Variants in NIPAL3 observed in about 807,000 individuals in gnomAD.
NIPAL3 encodes NIPA-like protein 3.
NIPAL3 carries 41 observed loss-of-function variants against 47.2 expected under a neutral mutation model. The ratio of observed to expected loss-of-function variants is 0.87; its 90% CI spans 0.68 to 1.13. The LOEUF (loss-of-function observed/expected upper bound fraction) is 1.13, where lower values mean the gene tolerates loss of function less well. NIPAL3 is among the 50% of genes most tolerant of loss of function. The pLI, the probability that NIPAL3 is intolerant of heterozygous loss-of-function variation, is 0.00. For synonymous variants in NIPAL3, 194 were observed against 209.6 expected (o/e 0.93, Z 0.64); for missense variants, 449 against 530.1 (o/e 0.85, Z 1.50).
At position 24,442,241 on chromosome 1, in the gene NIPAL3, GCCCCACCCTC is replaced by G; in HGVS notation, c.334+19_334+28del. On this transcript the variant is annotated intron_variant, in intron 4 of 11. Coordinates refer to ENST00000374399, the MANE Select transcript of NIPAL3 (RefSeq NM_020448.5). The stretch of plus-strand genomic sequence containing the variant: ...TTCTGTGATAGGTAAGACCAGGGCT[GCCCCACCCTC>G]CCCTGGGGTGCTCCCAGCTGCGTGA... The G allele has an allele frequency of 6.2e-7, 1 of 1,611,556 alleles. No individual in the cohort carries two copies. The highest frequency in any genetic ancestry group is 8.5e-7 in the Non-Finnish European group (1 of 1,178,904).
At chr1:24,464,706 A>C (rs1169292769) in intron 11 of NIPAL3, 1 of 152,232 alleles carries the variant, frequency 6.6e-6, no homozygotes, top group Non-Finnish European at 1.5e-5. Flanking sequence ...AGGAATTCGG[A>C]TTAGAAAAGT....
At position 24,453,429 on chromosome 1, in the gene NIPAL3, T is replaced by A; in HGVS notation, c.562T>A (p.Cys188Ser). The A allele has an allele frequency of 6.2e-7, 1 of 1,613,692 alleles. No individual in the cohort carries two copies. The highest frequency in any genetic ancestry group is 8.5e-7 in the Non-Finnish European group (1 of 1,179,836). Residue 188 changes from cysteine to serine, a missense_variant, in exon 7 of 12, where the codon TGC becomes AGC. Cys to Ser is a moderately radical substitution (Grantham distance 112, BLOSUM62 -1). Transcript: ENST00000374399. ...ACAGCTGGTGGAGATCATTCTGTTC[T>A]GCTTGCTGCTCTACTTCTACAAGGA... ...LYMLVEIILF[C>S]LLLYFYKEKN...
intron 4 of NIPAL3, among the ~76,000 whole-genome samples, chr1:24,444,590 A>G (rs1331370926): frequency 6.6e-6 from 1 of 152,216 alleles, no homozygotes; most frequent in Non-Finnish European, 1.5e-5. Flanking sequence ...ATCCAAGGAC[A>G]CACAGCCAGA....
intron 4 of NIPAL3, 38 bp from the exon 5 acceptor site, chr1:24,445,147 C>G (rs184039335): frequency 4.7e-6 from 7 of 1,477,230 alleles, no homozygotes; most frequent in Admixed American, 3.4e-5. Context: ...TAGCTGACAG[C>G]AGCCTCAATT....
intron 11 of NIPAL3, among the ~76,000 whole-genome samples, chr1:24,466,734 G>A (rs375418131): frequency 2.0e-5 from 3 of 152,126 alleles, no homozygotes; most frequent in East Asian, 3.9e-4. Context: ...TTGGTCTCTG[G>A]CTGGAGGGCA....
Position 24,419,564 on chromosome 1 carries a change from G to A in NIPAL3, c.17G>A (p.Ser6Asn), listed in dbSNP as rs1415786709. Residue 6 changes from serine (S) to asparagine (N), a missense_variant, in exon 2 of 12, where the codon AGC becomes AAC. Physicochemically the swap from Ser to Asn is conservative, Grantham distance 46. Coordinates refer to ENST00000374399, the MANE Select transcript of NIPAL3 (RefSeq NM_020448.5). ...TAGACCACCATGGACGGATCCCACA[G>A]CGCAGCCCTGAAGCTGCAGCAGCTG... MDGSH[S>N]AALKLQQLPP... is the part of the protein sequence containing the mutation. 6 of 1,613,830 alleles carry A rather than the reference G, an allele frequency of 3.7e-6. No individual in the cohort carries two copies. In the East Asian group the frequency reaches 1.3e-4, roughly 36 times the overall value.
chr1:24,428,243 C>T (rs1644692091), intron 2 of NIPAL3, among the ~76,000 whole-genome samples: 1 of 88,178 alleles, frequency 1.1e-5, no homozygotes, highest in Non-Finnish European at 2.4e-5. Flanking sequence ...AGAGCGAGAC[C>T]CTGTCTCAAA....
At position 24,471,283 on chromosome 1, in the gene NIPAL3, A is replaced by G. The variant is rs1227268415; in HGVS notation, c.*2098A>G. On this transcript the variant is annotated 3_prime_UTR_variant, in exon 12 of 12. Transcript: ENST00000374399. The stretch of plus-strand genomic sequence containing the variant: ...TGGTGGGAGATGAGTCTCAAAGCTA[A>G]GTAGTGGAAGCTGGGCACAGTGGCT... 3.3e-5 allele frequency: 5 copies of G among 152,532 alleles called. No individual in the cohort carries two copies. The highest frequency in any genetic ancestry group is 1.5e-5 in the Non-Finnish European group (1 of 68,304). The allele number at this position is 152,532 out of a possible 1,614,324, so 9.4% of individuals were successfully genotyped here.
chr1:24,419,266 T>A (rs1644202410), intron 1 of NIPAL3, 25 bp from the exon 2 acceptor site: 1 of 1,097,770 alleles, frequency 9.1e-7, no homozygotes, highest in South Asian at 4.2e-5. Context: ...CCATGCATTT[T>A]TAATGTTCCT....
intron 8 of NIPAL3, among the ~76,000 whole-genome samples, chr1:24,458,282 A>C (rs1470224335): frequency 2.6e-5 from 4 of 152,184 alleles, no homozygotes; most frequent in African/African-American, 9.7e-5. Flanking sequence ...AAGCGAAGTA[A>C]AAAAATAAAA....
intron 9 of NIPAL3, 95 bp from the exon 10 acceptor site, chr1:24,460,386 C>G (rs1377919450): frequency 1.0e-6 from 1 of 993,050 alleles, no homozygotes; most frequent in Non-Finnish European, 1.5e-6. Flanking sequence ...TTTTAGTTTC[C>G]TAAATGGAAG....
At position 24,449,645 on chromosome 1, in the gene NIPAL3, C is replaced by A; in HGVS notation, c.540+19C>A. The A allele has an allele frequency of 3.7e-6, 6 of 1,607,898 alleles. No homozygotes were observed. The South Asian group carries it at 6.6e-5, about 18-fold the overall frequency. On this transcript the variant is annotated intron_variant, in intron 6 of 11. Coordinates refer to ENST00000374399, the MANE Select transcript of NIPAL3 (RefSeq NM_020448.5). This position sits in a 1 kb window ranked among gnomAD's most constrained non-coding sequence, Gnocchi z 4.5. ...GTACATGGTAAGAGAAGCCTCCAGT[C>A]GTTCCCCCTGAGATGGCAGGAGGGA... is the stretch of plus-strand genomic sequence containing the variant.
At chr1:24,424,735 T>C (rs1032370361) in intron 2 of NIPAL3, among the ~76,000 whole-genome samples, 7 of 152,136 alleles carry the variant, frequency 4.6e-5, no homozygotes, top group Non-Finnish European at 1.0e-4. Context: ...AGTGGCCAGC[T>C]TGGGTAAGGT....
chr1:24,457,636 A>G (rs768918628), intron 8 of NIPAL3: 3 of 448,926 alleles, frequency 6.7e-6, no homozygotes, highest in Non-Finnish European at 1.4e-5. Context: ...ATGCGGAGAG[A>G]GTAAGAGGCT....
intron 7 of NIPAL3, 137 bp downstream of exon 7, chr1:24,453,641 G>A: frequency 1.4e-6 from 1 of 703,994 alleles, no homozygotes. Context: ...GTCTCCATCA[G>A]TGGCTCTGGG....
chr1:24,465,202 T>C (rs1317655375), intron 11 of NIPAL3: 1 of 152,134 alleles, frequency 6.6e-6, no homozygotes, highest in Non-Finnish European at 1.5e-5. Context: ...GTTAAGTGCA[T>C]GAGCTTTGGT....
At chr1:24,428,127 C>A (rs1644685931) in intron 2 of NIPAL3, among the ~76,000 whole-genome samples, 1 of 152,154 alleles carries the variant, frequency 6.6e-6, no homozygotes, top group African/African-American at 2.4e-5. Flanking sequence ...GTAGTCCCAG[C>A]TACTCAGGAG....
chr1:24,430,338 C>T (rs553487755), intron 2 of NIPAL3, among the ~76,000 whole-genome samples: 1 of 151,346 alleles, frequency 6.6e-6, no homozygotes, highest in Non-Finnish European at 1.5e-5. Context: ...GCAACCTCCA[C>T]CTCCCAGGTT....
chr1:24,450,129 C>G (rs570264385), intron 6 of NIPAL3, among the ~76,000 whole-genome samples: 1 of 152,154 alleles, frequency 6.6e-6, no homozygotes. Flanking sequence ...ACAGTAATAT[C>G]AAAACCATTA....
Sources: gnomAD v4.1 joint callset for allele counts (sites outside exome capture counted in the v4.1 genomes callset) on GRCh38, gnomAD v4.1.1 for gene constraint, Gnocchi (gnomAD v3.1) non-coding constraint, MANE v1.5 for transcripts, NCBI Gene and HGNC (gene_info 2026-07-23, HGNC 2026-07-21) for gene names.